Variants in UBE2R2 observed in about 807,000 individuals in gnomAD.
UBE2R2 encodes the protein ubiquitin-conjugating enzyme E2 R2.
UBE2R2 carries 1 observed loss-of-function variant against 27.8 expected under a neutral mutation model. The ratio of observed to expected loss-of-function variants is 0.04; its 90% CI spans 0.01 to 0.17. UBE2R2 has a LOEUF of 0.17. Ranked by LOEUF, UBE2R2 falls within the 10% of genes least tolerant of loss-of-function variation. The pLI, the probability that UBE2R2 is intolerant of heterozygous loss-of-function variation, is 1.00. For missense variants in UBE2R2, 100 were observed against 291.0 expected (o/e 0.34, Z 4.78); for synonymous variants, 106 against 113.3 (o/e 0.94, Z 0.41).
chr9:33,911,901 C>G, intron 3 of UBE2R2, 63 bp from the exon 4 acceptor site: 3 of 1,466,942 alleles, frequency 2.0e-6, no homozygotes, highest in Non-Finnish European at 2.7e-6. Context: ...TCTTAAAAAG[C>G]AGAATACTTT....
chr9:33,837,266 T>TG (rs979330443), intron 1 of UBE2R2, among the ~76,000 whole-genome samples: 16 of 152,130 alleles, frequency 1.1e-4, no homozygotes, highest in African/African-American at 3.6e-4. Context: ...TGGCTTAGGC[T>TG]GGAGTGCAGG....
chr9:33,863,872 G>C (rs1014297387), intron 1 of UBE2R2, among the ~76,000 whole-genome samples: 15 of 151,986 alleles, frequency 9.9e-5, no homozygotes, highest in African/African-American at 2.9e-4. Context: ...ATTTTTAGTA[G>C]AGATGGGATT....
intron 2 of UBE2R2, among the ~76,000 whole-genome samples, chr9:33,888,935 T>C (rs903001936): frequency 2.0e-5 from 3 of 152,234 alleles, no homozygotes; most frequent in Non-Finnish European, 2.9e-5. Flanking sequence ...GTCTGTTTCT[T>C]ATGTAAGATA....
intron 1 of UBE2R2, among the ~76,000 whole-genome samples, chr9:33,874,206 C>T (rs1257768020): frequency 2.0e-5 from 3 of 152,034 alleles, no homozygotes; most frequent in Non-Finnish European, 4.4e-5. Context: ...CCTCGGGCTC[C>T]CAAAGTGCTG....
chr9:33,873,844 T>C (rs531882883), intron 1 of UBE2R2, among the ~76,000 whole-genome samples: 1 of 152,236 alleles, frequency 6.6e-6, no homozygotes, highest in Admixed American at 6.5e-5. Context: ...GGTTTCACCA[T>C]GTTGTCCAGG....
In UBE2R2 at chr9:33,845,762, C is replaced by T. The variant is rs140307775; in HGVS notation, c.177+27828C>T. On this transcript the variant is annotated intron_variant, in intron 1 of 4. Transcript: ENST00000263228. ...GTAGCTCACGCCTGTAATCCCAGCA[C>T]TTTGGGAGGCTGAGTCGGGCAGATC... Among the ~76,000 whole-genome samples the T allele has an allele frequency of 2.1e-3, 316 of 152,134 alleles. 1 individual carries two copies. The East Asian group carries it at 0.037, about 18-fold the overall frequency.
In UBE2R2 at chr9:33,869,202, G is replaced by A. The variant is rs535628821; in HGVS notation, c.178-17679G>A. On this transcript the variant is annotated intron_variant, in intron 1 of 4. Coordinates refer to ENST00000263228, the MANE Select transcript of UBE2R2 (RefSeq NM_017811.4). ...GAGGATTGCTTGAGCCCGGGAGGTCGAGGCTGCAGTGAGCCCAGATTGTGC... is the reference window on the plus strand; with the variant it reads ...GAGGATTGCTTGAGCCCGGGAGGTCAAGGCTGCAGTGAGCCCAGATTGTGC... Among the ~76,000 whole-genome samples, 8 of 152,188 alleles carry A rather than the reference G, an allele frequency of 5.3e-5. No individual in the cohort carries two copies. In the East Asian group the frequency reaches 9.7e-4, roughly 18 times the overall value.
chr9:33,852,450 A>G (rs532345167), intron 1 of UBE2R2, among the ~76,000 whole-genome samples: 2 of 152,310 alleles, frequency 1.3e-5, no homozygotes, highest in South Asian at 4.1e-4. Flanking sequence ...GTATAAATAT[A>G]AATGGGGACA....
intron 1 of UBE2R2, among the ~76,000 whole-genome samples, chr9:33,883,266 T>C (rs182394817): frequency 1.2e-4 from 19 of 152,314 alleles, no homozygotes; most frequent in African/African-American, 4.6e-4. Context: ...TTCAATTCAT[T>C]GTTGACACTG....
At chr9:33,861,963 C>T (rs776309888) in intron 1 of UBE2R2, among the ~76,000 whole-genome samples, 3 of 150,874 alleles carry the variant, frequency 2.0e-5, no homozygotes, top group Non-Finnish European at 4.4e-5. Flanking sequence ...AAGTGATTCT[C>T]CTGCCTCAGC....
chr9:33,839,105 G>C (rs1021127935), intron 1 of UBE2R2, among the ~76,000 whole-genome samples: 1 of 151,530 alleles, frequency 6.6e-6, no homozygotes, highest in Non-Finnish European at 1.5e-5. Flanking sequence ...AAAAGTTGCT[G>C]TGGTCTGAAT....
chr9:33,910,695 T>G (rs928819866), intron 3 of UBE2R2, among the ~76,000 whole-genome samples: 3 of 152,226 alleles, frequency 2.0e-5, no homozygotes, highest in Non-Finnish European at 4.4e-5. Context: ...TTCTTCTGTT[T>G]GAAGGATTTT....
chr9:33,882,159 C>G (rs1821743475), intron 1 of UBE2R2, among the ~76,000 whole-genome samples: 1 of 152,042 alleles, frequency 6.6e-6, no homozygotes, highest in Non-Finnish European at 1.5e-5. Context: ...AATTTGTTTT[C>G]TTTAGCACTT....
chr9:33,893,742 G>C (rs189799386), intron 2 of UBE2R2, among the ~76,000 whole-genome samples: 5 of 151,934 alleles, frequency 3.3e-5, no homozygotes, highest in African/African-American at 1.2e-4. Flanking sequence ...AGCTATTCTC[G>C]TGCCTCAACC....
Position 33,896,845 on chromosome 9 carries a change from T to G in UBE2R2, c.265-3329T>G, listed in dbSNP as rs537563210. Among the ~76,000 whole-genome samples, 3 of 152,114 alleles carry G rather than the reference T, an allele frequency of 2.0e-5. No homozygotes were observed. In the South Asian group the frequency reaches 6.2e-4, roughly 32 times the overall value. ...TTTATCATGAAAGAGTGTTAGATTT[T>G]GTCAAATCCATTGTCTGTGTCAATT... On this transcript the variant is annotated intron_variant, in intron 2 of 4. Transcript: ENST00000263228.
At chr9:33,852,939 C>T (rs1820999841) in intron 1 of UBE2R2, among the ~76,000 whole-genome samples, 2 of 152,108 alleles carry the variant, frequency 1.3e-5, no homozygotes, top group South Asian at 4.1e-4. Context: ...ACCCAGGAGG[C>T]GGAGGTTGCA....
At chr9:33,884,358 C>CA (rs2130794033) in intron 1 of UBE2R2, among the ~76,000 whole-genome samples, 1 of 150,212 alleles carries the variant, frequency 6.7e-6, no homozygotes, top group Admixed American at 6.7e-5. Flanking sequence ...GATCATAGCC[C>CA]ACTGCAGCCC....
chr9:33,828,346 A>C (rs1443669093), intron 1 of UBE2R2, among the ~76,000 whole-genome samples: 1 of 151,484 alleles, frequency 6.6e-6, no homozygotes, highest in Admixed American at 6.6e-5. Flanking sequence ...AGTGTTTTAC[A>C]AGGAACTGTT....
intron 1 of UBE2R2, among the ~76,000 whole-genome samples, chr9:33,885,020 A>AT (rs1821826996): frequency 6.6e-6 from 1 of 152,174 alleles, no homozygotes; most frequent in African/African-American, 2.4e-5. Flanking sequence ...TCAGGTAATG[A>AT]TTGAACAGAG....
Sources: gnomAD v4.1 joint callset for allele counts (sites outside exome capture counted in the v4.1 genomes callset) on GRCh38, gnomAD v4.1.1 for gene constraint, MANE v1.5 for transcripts, NCBI Gene and HGNC (gene_info 2026-07-23, HGNC 2026-07-21) for gene names.